The following HSPA12A variants were observed in gnomAD, a reference collection of about 807,000 sequenced individuals.
The protein encoded by HSPA12A is heat shock 70 kDa protein 12A.
Under a neutral mutation model 69.2 loss-of-function variants are expected in HSPA12A, and 28 were observed. The observed-to-expected ratio is 0.40, with a 90% CI of 0.30 to 0.55. HSPA12A has a LOEUF of 0.55. Among genes scored for constraint, HSPA12A ranks in the 20% least tolerant of loss-of-function variants. The pLI, the probability that HSPA12A is intolerant of heterozygous loss-of-function variation, is 0.38. For synonymous variants in HSPA12A, 345 were observed against 370.5 expected, an observed-to-expected ratio of 0.93 and a Z score of 0.79; for missense variants, 686 against 900.7, an observed-to-expected ratio of 0.76 and a Z score of 3.05.
chr10:116,761,718 C>T (rs550871480), intron 2 of HSPA12A, among the ~76,000 whole-genome samples: 2 of 151,918 alleles, frequency 1.3e-5, no homozygotes, highest in Non-Finnish European at 2.9e-5. Context: ...AAAACAAAAT[C>T]CTTGATCTAA....
intron 5 of HSPA12A, 111 bp from the exon 6 acceptor site, chr10:116,692,578 G>C: frequency 2.6e-6 from 2 of 770,148 alleles, no homozygotes; most frequent in Non-Finnish European, 4.4e-6. Flanking sequence ...TCAGGAGCCA[G>C]TTTCAGGGTC....
chr10:116,842,058 G>T (rs1274906357), intron 1 of HSPA12A, among the ~76,000 whole-genome samples: 1 of 152,188 alleles, frequency 6.6e-6, no homozygotes, highest in Non-Finnish European at 1.5e-5. Flanking sequence ...GGCAGAGGCA[G>T]TCTTTTGATT....
At chr10:116,755,489 G>A (rs540700281) in intron 2 of HSPA12A, among the ~76,000 whole-genome samples, 25 of 151,336 alleles carry the variant, frequency 1.7e-4, no homozygotes, top group Non-Finnish European at 3.4e-4. Flanking sequence ...CTGCATGCCT[G>A]TAGTCCCAGA....
At chr10:116,832,200 G>C (rs575904255) in intron 2 of HSPA12A, 1 of 151,980 alleles carries the variant, frequency 6.6e-6, no homozygotes, top group African/African-American at 2.4e-5. Flanking sequence ...ACAGAGTCTC[G>C]CTCTATTGCC....
intron 6 of HSPA12A, 69 bp from the exon 7 acceptor site, chr10:116,684,031 C>A: frequency 7.3e-7 from 1 of 1,361,926 alleles, no homozygotes; most frequent in South Asian, 1.5e-5. Context: ...ACACCCGTGC[C>A]TGGACTGACA....
intron 6 of HSPA12A, among the ~76,000 whole-genome samples, chr10:116,687,553 G>T (rs906483369): frequency 1.1e-4 from 17 of 152,278 alleles, no homozygotes; most frequent in Non-Finnish European, 2.2e-4. Context: ...AGAAAAGGAG[G>T]AAATGCTAAA....
At chr10:116,729,962 G>A (rs1023728086) in intron 1 of HSPA12A, among the ~76,000 whole-genome samples, 28 of 152,228 alleles carry the variant, frequency 1.8e-4, no homozygotes, top group African/African-American at 6.8e-4. Context: ...GCTTACGCCT[G>A]TAATCCCAGC....
Position 116,779,721 on chromosome 10 carries a change from A to G in HSPA12A, c.91+55214T>C, listed in dbSNP as rs111248308. 2.8e-3 allele frequency among the ~76,000 whole-genome samples: 419 copies of G among 152,192 alleles called. 1 individual carries two copies. Among genetic ancestry groups the G allele is most frequent in the African/African-American group, 9.0e-3 (373 of 41,524 alleles). On this transcript the variant is annotated intron_variant, in intron 2 of 12. Coordinates refer to the HSPA12A transcript ENST00000635765. ...CCCAGGCAGGTGGGAGAGGTGAAGG[A>G]AGTTCCAGAAACCGAATAACGCTGG...
At chr10:116,820,195 T>A (rs1043739555) in intron 2 of HSPA12A, among the ~76,000 whole-genome samples, 1 of 152,142 alleles carries the variant, frequency 6.6e-6, no homozygotes, top group Non-Finnish European at 1.5e-5. Context: ...AAATATGACA[T>A]GATCAGCAAA....
intron 1 of HSPA12A, among the ~76,000 whole-genome samples, chr10:116,736,869 TGTGGTAAGTTTTACAACA>T (rs1368345836): frequency 6.6e-6 from 1 of 152,196 alleles, no homozygotes; most frequent in African/African-American, 2.4e-5. Flanking sequence ...CCATTAAATT[TGTGGTAAGTTTTACAACA>T]GCAATAGGAA....
chr10:116,707,338 G>A, intron 1 of HSPA12A, 53 bp from the exon 2 acceptor site: 2 of 1,401,692 alleles, frequency 1.4e-6, no homozygotes, highest in East Asian at 2.4e-5. Context: ...CTGACCCAGG[G>A]GGAAGAAATG....
chr10:116,835,942 GA>G (rs1465646934), intron 1 of HSPA12A, among the ~76,000 whole-genome samples: 2 of 152,190 alleles, frequency 1.3e-5, no homozygotes, highest in African/African-American at 2.4e-5. Context: ...GGGGCAGAAA[GA>G]GAGTGAAAAT....
intron 1 of HSPA12A, among the ~76,000 whole-genome samples, chr10:116,738,049 G>T (rs886423384): frequency 6.6e-6 from 1 of 152,152 alleles, no homozygotes; most frequent in African/African-American, 2.4e-5. Context: ...CCTCCCCGCT[G>T]TTCTAATTAT....
rs1245503932 is a variant in HSPA12A at position 116,679,753 on chromosome 10, A to AG, written c.1035dup (p.Tyr346LeufsTer9). 1 of 1,612,868 alleles carries AG rather than the reference A, an allele frequency of 6.2e-7. No individual in the cohort carries two copies. Among genetic ancestry groups the AG allele is most frequent in the Non-Finnish European group, 8.5e-7 (1 of 1,179,110 alleles). On this transcript the variant is annotated frameshift_variant, in exon 10 of 12. Coordinates refer to ENST00000369209, the MANE Select transcript of HSPA12A (RefSeq NM_025015.3). LOFTEE classifies it high-confidence loss of function. ...TCATAATCTACTCCTAAAGATCCAT[A>AG]GGGTCCGCCTGAATTGAGAACAAAA...
chr10:116,800,543 G>A (rs186275700), intron 2 of HSPA12A, among the ~76,000 whole-genome samples: 13 of 152,308 alleles, frequency 8.5e-5, no homozygotes, highest in African/African-American at 1.2e-4. Context: ...GGAGCTACCC[G>A]GCAAGCTTTG....
At chr10:116,790,271 T>C (rs1844675969) in intron 2 of HSPA12A, among the ~76,000 whole-genome samples, 1 of 151,666 alleles carries the variant, frequency 6.6e-6, no homozygotes, top group Admixed American at 6.6e-5. Context: ...ACCCGGCTAA[T>C]TTTTTGTATT....
chr10:116,694,715 G>C (rs1849836112), intron 5 of HSPA12A, among the ~76,000 whole-genome samples: 1 of 152,064 alleles, frequency 6.6e-6, no homozygotes, highest in Non-Finnish European at 1.5e-5. Flanking sequence ...CACCTGCCTC[G>C]GTGCCCACAG....
At chr10:116,701,556 T>G (rs1850077364) in intron 3 of HSPA12A, among the ~76,000 whole-genome samples, 1 of 152,246 alleles carries the variant, frequency 6.6e-6, no homozygotes, top group South Asian at 2.1e-4. Flanking sequence ...CATAATTACC[T>G]GCCTTATGAG....
intron 9 of HSPA12A, 64 bp from the exon 10 acceptor site, chr10:116,679,825 T>C: frequency 6.4e-7 from 1 of 1,560,872 alleles, no homozygotes; most frequent in Non-Finnish European, 8.7e-7. Flanking sequence ...ATCCAGACTC[T>C]GAGAAACAGG....
Sources: gnomAD v4.1 joint callset for allele counts (sites outside exome capture counted in the v4.1 genomes callset) on GRCh38, gnomAD v4.1.1 for gene constraint, MANE v1.5 for transcripts, NCBI Gene and HGNC (gene_info 2026-07-23, HGNC 2026-07-21) for gene names.